The following STK10 variants were observed in gnomAD, a reference collection of about 807,000 sequenced individuals.
The protein encoded by STK10 is serine/threonine kinase 10.
A neutral mutation model predicts 113.8 loss-of-function variants in STK10; 78 were observed. The observed-to-expected ratio is 0.69, with a 90% CI of 0.57 to 0.83. STK10 has a LOEUF of 0.83. Among genes scored for constraint, STK10 ranks in the 40% least tolerant of loss-of-function variants. STK10 has a pLI of 0.00. For missense variants in STK10, 1,109 were observed against 1,280.1 expected, an observed-to-expected ratio of 0.87 and a Z score of 2.04; for synonymous variants, 465 against 494.7, an observed-to-expected ratio of 0.94 and a Z score of 0.80.
chr5:172,107,189 G>GGA (rs1216607438), intron 5 of STK10: 1 of 202,188 alleles, frequency 4.9e-6, no homozygotes, highest in South Asian at 1.1e-4. Flanking sequence ...ATAAAAGGGG[G>GGA]GAGAGAGAGA....
chr5:172,113,104 A>G (rs991472248), intron 4 of STK10, among the ~76,000 whole-genome samples: 2 of 152,140 alleles, frequency 1.3e-5, no homozygotes, highest in Non-Finnish European at 2.9e-5. Flanking sequence ...GGTTTAAAAA[A>G]CTGAAATGCA....
chr5:172,047,701 C>T (rs562276001), intron 18 of STK10, among the ~76,000 whole-genome samples: 17 of 152,158 alleles, frequency 1.1e-4, no homozygotes, highest in African/African-American at 3.1e-4. Context: ...AACTGATGTA[C>T]GATGGCAGAA....
At chr5:172,111,134 C>T (rs564043580) in intron 4 of STK10, among the ~76,000 whole-genome samples, 11 of 152,266 alleles carry the variant, frequency 7.2e-5, no homozygotes, top group Middle Eastern at 3.4e-3. Flanking sequence ...CTCTGGCAGG[C>T]GGCTCCCCTG....
Position 172,082,902 on chromosome 5 carries a change from A to G in STK10, c.1809+59T>C. On this transcript the variant is annotated intron_variant, in intron 11 of 18. Coordinates refer to ENST00000176763, the MANE Select transcript of STK10 (RefSeq NM_005990.4). This position sits in a 1 kb window ranked among gnomAD's most constrained non-coding sequence, Gnocchi z 4.3. ...CAATCATTCCCACTATGTAGCTTCC[A>G]CTGAGAGAACACCTGGAGGCAAGAA... 6.3e-7 allele frequency: 1 copy of G among 1,597,980 alleles called. No homozygotes were observed. The highest frequency in any genetic ancestry group is 1.1e-5 in the South Asian group (1 of 90,052).
rs1770987326 is a variant in STK10 at position 172,187,917 on chromosome 5, C to T, written c.126G>A (p.Leu42=). 6.2e-7 allele frequency: 1 copy of T among 1,613,342 alleles called. No homozygotes were observed. Among genetic ancestry groups the T allele is most frequent in the South Asian group, 1.1e-5 (1 of 91,056 alleles). Residue 42 remains leucine (L), a synonymous_variant, in exon 1 of 19, where the codon CTG becomes CTA. Coordinates refer to ENST00000176763, the MANE Select transcript of STK10 (RefSeq NM_005990.4). The surrounding 1 kb of genome is among the most constrained non-coding windows in gnomAD (Gnocchi z 4.6). ...AAACCTTGCCGAAGGCGCCGTCGCCCAGCTCGCCCACGATCTCCCACACCT... is the reference window on the plus strand; with the variant it reads ...AAACCTTGCCGAAGGCGCCGTCGCCTAGCTCGCCCACGATCTCCCACACCT... ...PNEVWEIVGE[L]GDGAFGKVYK...
intron 12 of STK10, among the ~76,000 whole-genome samples, chr5:172,067,580 G>C (rs957375296): frequency 6.6e-6 from 1 of 151,962 alleles, no homozygotes. Context: ...TGTACTCCAT[G>C]AGGTAAAGCC....
At chr5:172,110,767 T>C (rs925790061) in intron 4 of STK10, among the ~76,000 whole-genome samples, 1 of 152,114 alleles carries the variant, frequency 6.6e-6, no homozygotes, top group Non-Finnish European at 1.5e-5. Context: ...ACAGAACCAT[T>C]GCGCAGGTTT....
intron 7 of STK10, among the ~76,000 whole-genome samples, chr5:172,101,671 G>A (rs2113757692): frequency 1.3e-5 from 2 of 152,258 alleles, no homozygotes; most frequent in Middle Eastern, 6.8e-3. Context: ...ATGGAAGAAG[G>A]AAGAAGTAGG....
At chr5:172,086,360 G>A (rs571404376) in intron 10 of STK10, among the ~76,000 whole-genome samples, 16 of 152,240 alleles carry the variant, frequency 1.1e-4, no homozygotes, top group African/African-American at 2.9e-4. Flanking sequence ...GAGTGTTAAC[G>A]AGGAAATGGA....
chr5:172,136,642 T>C (rs1446719037), intron 2 of STK10, among the ~76,000 whole-genome samples: 1 of 151,350 alleles, frequency 6.6e-6, no homozygotes, highest in Non-Finnish European at 1.5e-5. Context: ...AGTGAAAGAA[T>C]AGCTATTCCA....
chr5:172,175,719 G>A (rs1770746640), intron 1 of STK10, among the ~76,000 whole-genome samples: 2 of 152,190 alleles, frequency 1.3e-5, no homozygotes, highest in Non-Finnish European at 1.5e-5. Context: ...CCGCACTGAA[G>A]CGACCGTGGA....
chr5:172,057,514 C>G, intron 14 of STK10, 41 bp from the exon 15 acceptor site: 1 of 1,532,474 alleles, frequency 6.5e-7, no homozygotes, highest in Non-Finnish European at 8.8e-7. Flanking sequence ...GTGCTGACAA[C>G]CAGAGACTCG....
At chr5:172,091,630 A>C (rs1768707958) in intron 9 of STK10, among the ~76,000 whole-genome samples, 1 of 150,678 alleles carries the variant, frequency 6.6e-6, no homozygotes. Flanking sequence ...TCCCGGATTC[A>C]AGTGATTCTC....
At chr5:172,080,402 T>C (rs1768403344) in intron 12 of STK10, among the ~76,000 whole-genome samples, 1 of 152,220 alleles carries the variant, frequency 6.6e-6, no homozygotes, top group Non-Finnish European at 1.5e-5. Context: ...CTAGAAATGA[T>C]GAAGCTTAGT....
intron 2 of STK10, among the ~76,000 whole-genome samples, chr5:172,131,889 G>A (rs964106463): frequency 6.6e-6 from 1 of 152,216 alleles, no homozygotes; most frequent in Non-Finnish European, 1.5e-5. Flanking sequence ...TTTAGACCAT[G>A]AGGGCTCCAC....
chr5:172,096,002 T>C (rs1032052685), intron 8 of STK10, among the ~76,000 whole-genome samples: 4 of 152,204 alleles, frequency 2.6e-5, no homozygotes, highest in African/African-American at 9.6e-5. Context: ...ATGGGTCCCC[T>C]TGGCACTGAG....
rs1767456698 is a variant in STK10 at position 172,044,588 on chromosome 5, C to G, written c.*294G>C. ...CACAGAACACCCATTCCTCTTGGAC[C>G]CTGACCCCACCAACAGCCCCATCCC... On this transcript the variant is annotated 3_prime_UTR_variant, in exon 19 of 19. Coordinates refer to ENST00000176763, the MANE Select transcript of STK10 (RefSeq NM_005990.4). The surrounding 1 kb of genome is among the most constrained non-coding windows in gnomAD (Gnocchi z 4.5). The G allele has an allele frequency of 4.2e-6, 2 of 480,382 alleles. No homozygotes were observed. Among genetic ancestry groups the G allele is most frequent in the Admixed American group, 3.4e-5 (1 of 29,744 alleles). The allele number at this position is 480,382 out of a possible 1,614,324, so 29.8% of individuals were successfully genotyped here. A position where few individuals can be genotyped will look rare whatever the true frequency, so the allele number is the denominator to read the frequency against.
rs1768655885 is a variant in STK10 at position 172,089,797 on chromosome 5, A to T, written c.1685+435T>A. Among the ~76,000 whole-genome samples the T allele has an allele frequency of 2.0e-5, 3 of 152,094 alleles. No homozygotes were observed. The South Asian group carries it at 6.2e-4, about 32-fold the overall frequency. On this transcript the variant is annotated intron_variant, in intron 10 of 18. Transcript: ENST00000176763. ...GATGGGTGAATGACTGGGTGGATAG[A>T]TGGATAGGCAGACAGGTGAGTAGGT...
At chr5:172,177,106 G>A (rs759740928) in intron 1 of STK10, among the ~76,000 whole-genome samples, 4 of 151,600 alleles carry the variant, frequency 2.6e-5, no homozygotes, top group Admixed American at 6.6e-5. Flanking sequence ...CCCAGGAGGC[G>A]ATCATGCCGC....
Sources: gnomAD v4.1 joint callset for allele counts (sites outside exome capture counted in the v4.1 genomes callset) on GRCh38, gnomAD v4.1.1 for gene constraint, Gnocchi (gnomAD v3.1) non-coding constraint, MANE v1.5 for transcripts, NCBI Gene and HGNC (gene_info 2026-07-23, HGNC 2026-07-21) for gene names.